Variants in MAGI1 observed in about 807,000 individuals in gnomAD.
The protein encoded by MAGI1 is membrane associated guanylate kinase, WW and PDZ domain containing 1, also known as membrane-associated guanylate kinase, WW and PDZ domain-containing protein 1.
In MAGI1, 58 loss-of-function variants were observed where a neutral mutation model predicts 139.9. That is an observed-to-expected ratio of 0.41 (90% CI 0.34 to 0.52). The LOEUF (loss-of-function observed/expected upper bound fraction) is 0.52, where lower values mean the gene tolerates loss of function less well. MAGI1 is among the 20% of genes least tolerant of loss of function. The pLI, the probability that MAGI1 is intolerant of heterozygous loss-of-function variation, is 0.12. For synonymous variants in MAGI1, 812 were observed against 737.9 expected (o/e 1.10, Z -1.63); for missense variants, 1,874 against 1,901.6 (o/e 0.99, Z 0.27).
chr3:65,527,423 T>C lies in MAGI1; in HGVS notation c.431-33792A>G, dbSNP rs188953220. On this transcript the variant is annotated intron_variant, in intron 2 of 22. Coordinates refer to ENST00000402939, the MANE Select transcript of MAGI1 (RefSeq NM_001033057.2). ...GGTGAAACCCCATCTCTACTGAAAATATAAAACTTAGCCAGGAGTTGGCCG... is the reference window on the plus strand; with the variant it reads ...GGTGAAACCCCATCTCTACTGAAAACATAAAACTTAGCCAGGAGTTGGCCG... Among the ~76,000 whole-genome samples, 177 of 151,772 alleles carry C rather than the reference T, an allele frequency of 1.2e-3. 4 individuals are homozygous for C. In the South Asian group the frequency reaches 0.013, roughly 11 times the overall value.
chr3:65,895,598 C>T (rs9864600), intron 1 of MAGI1, among the ~76,000 whole-genome samples: 78,003 of 151,978 alleles, frequency 0.51, 20,101 homozygotes, highest in South Asian at 0.69. Flanking sequence ...TCTATCTATC[C>T]GGCAGCTTTC....
At chr3:65,822,571 T>G (rs1909491) in intron 1 of MAGI1, among the ~76,000 whole-genome samples, 1 of 152,018 alleles carries the variant, frequency 6.6e-6, no homozygotes, top group Non-Finnish European at 1.5e-5. Flanking sequence ...AAGAAATACC[T>G]GAGGCTGGGT....
chr3:65,607,850 T>C (rs980823703), intron 2 of MAGI1, among the ~76,000 whole-genome samples: 1 of 152,144 alleles, frequency 6.6e-6, no homozygotes, highest in African/African-American at 2.4e-5. Flanking sequence ...GTCTTTCCTT[T>C]TGTACTACAA....
chr3:65,426,020 A>C (rs1033041239), intron 12 of MAGI1, among the ~76,000 whole-genome samples: 2 of 152,182 alleles, frequency 1.3e-5, no homozygotes, highest in African/African-American at 4.8e-5. Context: ...TCAAAATAGA[A>C]GGGTAAAAAG....
intron 2 of MAGI1, among the ~76,000 whole-genome samples, chr3:65,585,066 T>C (rs896116052): frequency 6.6e-6 from 1 of 152,200 alleles, no homozygotes; most frequent in African/African-American, 2.4e-5. Flanking sequence ...GAGGGACTCA[T>C]TTAATCCTAA....
chr3:65,886,006 C>G (rs896346038), intron 1 of MAGI1, among the ~76,000 whole-genome samples: 2 of 152,126 alleles, frequency 1.3e-5, no homozygotes, highest in African/African-American at 4.8e-5. Flanking sequence ...GGAGATGTTA[C>G]AGTTTTATTT....
chr3:65,454,839 C>A (rs1489876062), intron 5 of MAGI1, among the ~76,000 whole-genome samples: 1 of 151,976 alleles, frequency 6.6e-6, no homozygotes, highest in Non-Finnish European at 1.5e-5. Context: ...CCACCATCAC[C>A]ACCACGTATG....
Position 65,379,247 on chromosome 3 carries a change from C to G in MAGI1, c.2995+14G>C. Reference sequence around the variant, plus strand: ...TGGTGGGAAACCCTGGGTAATTTCACGTTCAGCACTCACCAAAGGTCGTGC... The same window carrying G: ...TGGTGGGAAACCCTGGGTAATTTCAGGTTCAGCACTCACCAAAGGTCGTGC... On this transcript the variant is annotated intron_variant, in intron 17 of 22. Coordinates refer to ENST00000402939, the MANE Select transcript of MAGI1 (RefSeq NM_001033057.2). 6.2e-7 allele frequency: 1 copy of G among 1,610,102 alleles called. No individual in the cohort carries two copies.
chr3:65,911,783 T>C (rs2061680330), intron 1 of MAGI1, among the ~76,000 whole-genome samples: 1 of 152,264 alleles, frequency 6.6e-6, no homozygotes, highest in African/African-American at 2.4e-5. Context: ...GATTATTTCC[T>C]AGCATCAAAC....
chr3:65,751,636 TCA>T (rs2036162614), intron 1 of MAGI1, among the ~76,000 whole-genome samples: 1 of 152,190 alleles, frequency 6.6e-6, no homozygotes, highest in African/African-American at 2.4e-5. Flanking sequence ...TTTCCAAATG[TCA>T]CTGAAGAATG....
At chr3:66,010,289 C>G (rs922619977) in intron 1 of MAGI1, among the ~76,000 whole-genome samples, 1 of 152,120 alleles carries the variant, frequency 6.6e-6, no homozygotes, top group African/African-American at 2.4e-5. Context: ...TGCTCAGGTA[C>G]TGAGTGTGAG....
intron 1 of MAGI1, chr3:65,873,303 CTCTCAGGCCTGCAGAGGTTTGCAGCAAAA>C (rs1440965588): frequency 6.6e-6 from 1 of 152,236 alleles, no homozygotes; most frequent in Non-Finnish European, 1.5e-5. Flanking sequence ...CCACGGCAAG[CTCTCAGGCCTGCAGAGGTTTGCAGCAAAA>C]TCTACAGCAA....
intron 18 of MAGI1, among the ~76,000 whole-genome samples, chr3:65,367,310 C>T (rs1373351986): frequency 1.3e-5 from 2 of 152,132 alleles, no homozygotes; most frequent in Non-Finnish European, 2.9e-5. Flanking sequence ...TATTTTTCTG[C>T]TGCTTTCATA....
chr3:65,575,996 A>C (rs1332049902), intron 2 of MAGI1, among the ~76,000 whole-genome samples: 1 of 152,174 alleles, frequency 6.6e-6, no homozygotes, highest in Non-Finnish European at 1.5e-5. Flanking sequence ...TGCTGGTTTT[A>C]TGGGTATATG....
chr3:65,640,376 A>C (rs2084919788), intron 1 of MAGI1, among the ~76,000 whole-genome samples: 1 of 152,198 alleles, frequency 6.6e-6, no homozygotes, highest in African/African-American at 2.4e-5. Flanking sequence ...CATATGTATA[A>C]ATGAATAAGT....
chr3:65,748,977 T>A (rs1431388597), intron 1 of MAGI1, among the ~76,000 whole-genome samples: 1 of 152,076 alleles, frequency 6.6e-6, no homozygotes, highest in African/African-American at 2.4e-5. Flanking sequence ...GTGATCCAGA[T>A]GGTATCCTCA....
chr3:65,524,573 G>A (rs979065298), intron 2 of MAGI1, among the ~76,000 whole-genome samples: 3 of 152,176 alleles, frequency 2.0e-5, no homozygotes, highest in Admixed American at 6.5e-5. Context: ...TGCTCAAATA[G>A]AAACGAGGAT....
At chr3:65,846,973 T>A (rs1260636490) in intron 1 of MAGI1, among the ~76,000 whole-genome samples, 2 of 44,014 alleles carry the variant, frequency 4.5e-5, no homozygotes, top group African/African-American at 5.6e-4. Flanking sequence ...TAGCAATGTC[T>A]TACAAAAAAA....
chr3:65,384,881 G>A (rs1170076243), intron 14 of MAGI1, among the ~76,000 whole-genome samples: 2 of 152,014 alleles, frequency 1.3e-5, no homozygotes, highest in African/African-American at 4.8e-5. Flanking sequence ...TGGGGGATGC[G>A]GGTGTCCTGA....
Sources: gnomAD v4.1 joint callset for allele counts (sites outside exome capture counted in the v4.1 genomes callset) on GRCh38, gnomAD v4.1.1 for gene constraint, MANE v1.5 for transcripts, NCBI Gene and HGNC (gene_info 2026-07-23, HGNC 2026-07-21) for gene names.